MGMT: variants seen among roughly 807,000 people sequenced by gnomAD.
MGMT encodes the protein O-6-methylguanine-DNA methyltransferase.
Under a neutral mutation model 15.9 loss-of-function variants are expected in MGMT, and 14 were observed. That is an observed-to-expected ratio of 0.88 (90% CI 0.58 to 1.37). The LOEUF (loss-of-function observed/expected upper bound fraction) is 1.37. MGMT is among the 40% of genes most tolerant of loss of function. The pLI is 0.00. For synonymous variants in MGMT, 130 were observed against 118.2 expected (o/e 1.10, Z -0.65); for missense variants, 282 against 268.1 (o/e 1.05, Z -0.36).
chr10:129,588,786 A>G (rs1159303764), intron 2 of MGMT, among the ~76,000 whole-genome samples: 2 of 152,258 alleles, frequency 1.3e-5, no homozygotes, highest in Non-Finnish European at 1.5e-5. Flanking sequence ...AGCATCATGC[A>G]AACTGCCTAG....
At chr10:129,604,183 C>G (rs1165611740) in intron 2 of MGMT, among the ~76,000 whole-genome samples, 1 of 152,170 alleles carries the variant, frequency 6.6e-6, no homozygotes, top group Non-Finnish European at 1.5e-5. Flanking sequence ...TACCAAAGCA[C>G]TCTCTACGAC....
chr10:129,534,906 C>G (rs1845969190), intron 1 of MGMT, among the ~76,000 whole-genome samples: 1 of 152,144 alleles, frequency 6.6e-6, no homozygotes. Context: ...AGTCAGTGTT[C>G]TGCGCTTGCA....
intron 1 of MGMT, among the ~76,000 whole-genome samples, chr10:129,499,964 T>G (rs1438759292): frequency 6.6e-6 from 1 of 152,182 alleles, no homozygotes; most frequent in Non-Finnish European, 1.5e-5. Context: ...AGGGAGAGAA[T>G]ATAACCGACT....
intron 2 of MGMT, among the ~76,000 whole-genome samples, chr10:129,616,731 G>A (rs561652455): frequency 1.6e-3 from 239 of 152,238 alleles, no homozygotes; most frequent in African/African-American, 5.5e-3. Context: ...TTAGAGCCTG[G>A]GGAACCTCTG....
intron 2 of MGMT, among the ~76,000 whole-genome samples, chr10:129,577,972 A>T (rs1365471424): frequency 2.0e-5 from 3 of 152,204 alleles, no homozygotes; most frequent in Non-Finnish European, 4.4e-5. Flanking sequence ...GCAACTCAAA[A>T]CCACAATGAG....
At position 129,729,702 on chromosome 10, in the gene MGMT, G is replaced by A. The variant is rs564858672; in HGVS notation, c.274+21659G>A. Among the ~76,000 whole-genome samples, 84 of 152,308 alleles carry A rather than the reference G, an allele frequency of 5.5e-4. No individual in the cohort carries two copies. In the Middle Eastern group the frequency reaches 0.014, roughly 25 times the overall value. On this transcript the variant is annotated intron_variant, in intron 3 of 4. Coordinates refer to ENST00000651593, the MANE Select transcript of MGMT (RefSeq NM_002412.5). The stretch of plus-strand genomic sequence containing the variant: ...CTGTCAGTAATGATATGCCTGCCGC[G>A]TGGCATAATCCGTGTCCCGTGGTAA...
At chr10:129,510,843 A>C (rs1212486385) in intron 1 of MGMT, among the ~76,000 whole-genome samples, 1 of 149,356 alleles carries the variant, frequency 6.7e-6, no homozygotes, top group Non-Finnish European at 1.5e-5. Flanking sequence ...CACGTGCTTC[A>C]TGCAGTAGGA....
chr10:129,628,759 C>G (rs936089329), intron 2 of MGMT, among the ~76,000 whole-genome samples: 1 of 152,184 alleles, frequency 6.6e-6, no homozygotes, highest in Non-Finnish European at 1.5e-5. Context: ...ATAAAGCTGG[C>G]CCTCACGGGG....
intron 2 of MGMT, among the ~76,000 whole-genome samples, chr10:129,645,248 C>T (rs1192041987): frequency 2.0e-5 from 3 of 151,554 alleles, no homozygotes; most frequent in Admixed American, 6.6e-5. Flanking sequence ...GCCTCCTGAG[C>T]AGCTGGGTTT....
chr10:129,554,908 C>T (rs1005580026), intron 2 of MGMT, among the ~76,000 whole-genome samples: 25 of 152,154 alleles, frequency 1.6e-4, no homozygotes, highest in Non-Finnish European at 2.9e-5. Context: ...TACTTTACAG[C>T]TATAAAGTGG....
chr10:129,530,388 G>A (rs755130478), intron 1 of MGMT, among the ~76,000 whole-genome samples: 1 of 152,250 alleles, frequency 6.6e-6, no homozygotes. Context: ...CGTATGGTGT[G>A]GTTTACTTTT....
At chr10:129,713,082 A>T (rs1322859224) in intron 3 of MGMT, among the ~76,000 whole-genome samples, 1 of 152,174 alleles carries the variant, frequency 6.6e-6, no homozygotes, top group East Asian at 1.9e-4. Context: ...TCCTTTCAGC[A>T]CTTTGTACCG....
chr10:129,624,689 A>T (rs1164897353), intron 2 of MGMT, among the ~76,000 whole-genome samples: 1 of 152,228 alleles, frequency 6.6e-6, no homozygotes, highest in African/African-American at 2.4e-5. Flanking sequence ...TAGGATGGTC[A>T]GCATGCCCAG....
intron 1 of MGMT, among the ~76,000 whole-genome samples, chr10:129,498,655 T>C (rs1331527067): frequency 6.6e-6 from 1 of 152,226 alleles, no homozygotes; most frequent in Non-Finnish European, 1.5e-5. Context: ...CTCCTATGTC[T>C]TTTGGACCTG....
At chr10:129,635,045 T>C (rs1023079694) in intron 2 of MGMT, among the ~76,000 whole-genome samples, 2 of 152,220 alleles carry the variant, frequency 1.3e-5, no homozygotes, top group Non-Finnish European at 2.9e-5. Flanking sequence ...ACCAGAGCAG[T>C]GTACTGAGGC....
At chr10:129,696,998 G>A (rs908566543) in intron 2 of MGMT, among the ~76,000 whole-genome samples, 4 of 152,234 alleles carry the variant, frequency 2.6e-5, no homozygotes, top group African/African-American at 9.6e-5. Flanking sequence ...TGTGTGTTGT[G>A]TGGACAGGTC....
At chr10:129,486,907 T>C (rs1465686708) in intron 1 of MGMT, among the ~76,000 whole-genome samples, 1 of 152,252 alleles carries the variant, frequency 6.6e-6, no homozygotes, top group African/African-American at 2.4e-5. Context: ...CTGTCATTAA[T>C]GCCTCTGGCA....
At chr10:129,537,898 C>G (rs1467265827) in intron 2 of MGMT, among the ~76,000 whole-genome samples, 1 of 152,122 alleles carries the variant, frequency 6.6e-6, no homozygotes, top group Non-Finnish European at 1.5e-5. Context: ...CTTGGGGTCT[C>G]CAGATGGTGG....
chr10:129,684,374 G>A (rs554128041), intron 2 of MGMT, among the ~76,000 whole-genome samples: 2 of 152,154 alleles, frequency 1.3e-5, no homozygotes, highest in African/African-American at 4.8e-5. Flanking sequence ...GAGATGCAGG[G>A]GGGCCATCCC....
Sources: allele counts gnomAD v4.1 joint callset (sites outside exome capture counted in the v4.1 genomes callset), GRCh38; gene constraint gnomAD v4.1.1; transcripts MANE v1.5; gene names NCBI Gene and HGNC (gene_info 2026-07-23, HGNC 2026-07-21).